The following EPB41L2 variants were observed in gnomAD, a reference collection of about 807,000 sequenced individuals.
The protein encoded by EPB41L2 is band 4.1-like protein 2.
In EPB41L2, 43 loss-of-function variants were observed where a neutral mutation model predicts 113.0. The observed-to-expected ratio is 0.38, with a 90% CI of 0.30 to 0.49. EPB41L2 has a LOEUF of 0.49. Among genes scored for constraint, EPB41L2 ranks in the 20% least tolerant of loss-of-function variants. EPB41L2 has a pLI of 0.95. For missense variants in EPB41L2, 1,147 were observed against 1,223.4 expected (o/e 0.94, Z 0.93); for synonymous variants, 442 against 436.7 (o/e 1.01, Z -0.15).
intron 1 of EPB41L2, among the ~76,000 whole-genome samples, chr6:131,055,825 C>T (rs1187319988): frequency 6.6e-6 from 1 of 151,946 alleles, no homozygotes; most frequent in African/African-American, 2.4e-5. Context: ...GGTGTGTAGT[C>T]TGTGCTGCAA....
intron 1 of EPB41L2, among the ~76,000 whole-genome samples, chr6:130,983,178 C>G (rs1258109878): frequency 9.2e-5 from 14 of 152,166 alleles, no homozygotes; most frequent in Middle Eastern, 3.2e-3. Context: ...ATAAGAGAAA[C>G]CAGGAACCGC....
chr6:130,890,473 GA>G lies in EPB41L2; in HGVS notation c.1488-8del. 1.3e-6 allele frequency: 2 copies of G among 1,509,254 alleles called. No individual in the cohort carries two copies. The allele number at this position is 1,509,254 out of a possible 1,614,324, so 93.5% of individuals were successfully genotyped here. A position where few individuals can be genotyped will look rare whatever the true frequency, so the allele number is the denominator to read the frequency against. Reference sequence around the variant, plus strand: ...CTGCTCTGGAGAAACAAGCCTATGGGAGGAAAAAAAAAAAAAAAGAGAGAGA... The same window carrying G: ...CTGCTCTGGAGAAACAAGCCTATGGGGGAAAAAAAAAAAAAAAGAGAGAGA... On this transcript the variant is annotated splice_region_variant and splice_polypyrimidine_tract_variant and intron_variant, in intron 10 of 19. Transcript: ENST00000337057.
intron 1 of EPB41L2, among the ~76,000 whole-genome samples, chr6:130,977,638 C>A (rs950291417): frequency 6.6e-6 from 1 of 152,132 alleles, no homozygotes; most frequent in African/African-American, 2.4e-5. Context: ...TCCCTCCTCC[C>A]CCAAAATTCT....
At chr6:131,014,839 A>C (rs1787825243) in intron 1 of EPB41L2, among the ~76,000 whole-genome samples, 1 of 152,208 alleles carries the variant, frequency 6.6e-6, no homozygotes, top group African/African-American at 2.4e-5. Flanking sequence ...CAAATTCAGA[A>C]CTTCTTTTCT....
intron 1 of EPB41L2, among the ~76,000 whole-genome samples, chr6:130,965,771 C>T (rs1774977963): frequency 6.6e-6 from 1 of 151,978 alleles, no homozygotes; most frequent in South Asian, 2.1e-4. Context: ...AAAGTTTAAT[C>T]ATGCACTCAT....
At position 130,840,789 on chromosome 6, in the gene EPB41L2, A is replaced by G. The variant is rs772035070; in HGVS notation, c.*6-191T>C. On this transcript the variant is annotated intron_variant, in intron 19 of 19. Transcript: ENST00000337057. ...ACACTATTCCACTCTCGAGGGCCTT[A>G]AAATACCTGGAGAATTGACAAGTAC... 7.7e-4 allele frequency among the ~76,000 whole-genome samples: 117 copies of G among 152,318 alleles called. 3 individuals carry two copies. Among genetic ancestry groups the G allele is most frequent in the Non-Finnish European group, 4.9e-4 (33 of 68,022 alleles).
intron 1 of EPB41L2, among the ~76,000 whole-genome samples, chr6:130,996,620 G>A (rs1246222108): frequency 6.6e-6 from 1 of 152,154 alleles, no homozygotes; most frequent in African/African-American, 2.4e-5. Context: ...ATGCCCTATA[G>A]ATTAACACTT....
At chr6:130,968,014 A>G (rs188099494) in intron 1 of EPB41L2, among the ~76,000 whole-genome samples, 5 of 152,232 alleles carry the variant, frequency 3.3e-5, no homozygotes, top group Admixed American at 1.3e-4. Flanking sequence ...CAGCGAGTCT[A>G]TTTTTCCTAA....
At chr6:130,952,610 C>A (rs147718725) in intron 3 of EPB41L2, among the ~76,000 whole-genome samples, 4 of 152,052 alleles carry the variant, frequency 2.6e-5, no homozygotes, top group Non-Finnish European at 5.9e-5. Context: ...GTCAGGTGAT[C>A]GAGACCATCC....
chr6:130,839,460 C>G lies in EPB41L2; in HGVS notation c.*1144G>C, dbSNP rs1202673999. 2 of 152,038 alleles carry G rather than the reference C, an allele frequency of 1.3e-5. No individual in the cohort carries two copies. Among genetic ancestry groups the G allele is most frequent in the Admixed American group, 1.3e-4 (2 of 15,252 alleles). 9.4% of individuals were successfully genotyped at this position (152,038 alleles called of 1,614,324 possible). ...CTGGCATCGTAACTATACATAGGGT[C>G]AAAGGCAAAGGAAAAAATGTTCAAT... On this transcript the variant is annotated 3_prime_UTR_variant, in exon 20 of 20. Coordinates refer to ENST00000337057, the MANE Select transcript of EPB41L2 (RefSeq NM_001431.4).
chr6:130,991,798 C>T (rs575089325), intron 1 of EPB41L2, among the ~76,000 whole-genome samples: 7 of 152,184 alleles, frequency 4.6e-5, no homozygotes, highest in East Asian at 1.9e-4. Context: ...TGCTTTATTC[C>T]TCTTCAGAAG....
intron 1 of EPB41L2, among the ~76,000 whole-genome samples, chr6:130,990,247 G>T (rs1781505789): frequency 6.6e-6 from 1 of 152,012 alleles, no homozygotes; most frequent in East Asian, 1.9e-4. Flanking sequence ...CTGGAACCTG[G>T]GAGGCAGAGG....
At position 130,840,439 on chromosome 6, in the gene EPB41L2, A is replaced by G. The variant is rs2128387964; in HGVS notation, c.*165T>C. The G allele has an allele frequency of 6.6e-6, 1 of 152,302 alleles. No individual in the cohort carries two copies. The highest frequency in any genetic ancestry group is 1.9e-4 in the East Asian group (1 of 5,190). 9.4% of individuals were successfully genotyped at this position (152,302 alleles called of 1,614,324 possible). ...GGAGCAATATAGACCAGAGCTGGTAAGGAAAGGTTTGGTGTTGGCATTTTA... is the reference window on the plus strand; with the variant it reads ...GGAGCAATATAGACCAGAGCTGGTAGGGAAAGGTTTGGTGTTGGCATTTTA... On this transcript the variant is annotated 3_prime_UTR_variant, in exon 20 of 20. Coordinates refer to ENST00000337057, the MANE Select transcript of EPB41L2 (RefSeq NM_001431.4).
At chr6:130,889,744 A>G (rs1288203442) in intron 11 of EPB41L2, among the ~76,000 whole-genome samples, 1 of 152,236 alleles carries the variant, frequency 6.6e-6, no homozygotes, top group Non-Finnish European at 1.5e-5. Flanking sequence ...AAAACACATC[A>G]TGATCAAGAG....
intron 3 of EPB41L2, among the ~76,000 whole-genome samples, chr6:130,951,603 C>T (rs1377006096): frequency 6.6e-6 from 1 of 151,854 alleles, no homozygotes; most frequent in African/African-American, 2.4e-5. Flanking sequence ...GGATTACAGG[C>T]ATGACCCACT....
intron 1 of EPB41L2, among the ~76,000 whole-genome samples, chr6:130,974,861 G>A (rs911602916): frequency 5.3e-5 from 8 of 151,306 alleles, no homozygotes; most frequent in Non-Finnish European, 8.8e-5. Flanking sequence ...GAGTTCAAGC[G>A]ATTCTCCTGC....
chr6:131,055,054 A>G (rs540429857), intron 1 of EPB41L2, among the ~76,000 whole-genome samples: 2 of 152,360 alleles, frequency 1.3e-5, no homozygotes, highest in African/African-American at 4.8e-5. Context: ...CTGCTTACTC[A>G]TATAACCTCC....
intron 10 of EPB41L2, 38 bp from the exon 11 acceptor site, chr6:130,890,504 G>A: frequency 1.9e-6 from 3 of 1,561,392 alleles, no homozygotes; most frequent in South Asian, 2.4e-5. Flanking sequence ...GAGAGAGAAA[G>A]GGGAAGCAAA....
intron 1 of EPB41L2, among the ~76,000 whole-genome samples, chr6:130,957,390 C>T (rs980153471): frequency 3.3e-5 from 5 of 152,176 alleles, no homozygotes; most frequent in South Asian, 2.1e-4. Context: ...GAACAACAGG[C>T]GGGGCCTGCG....
Sources: gnomAD v4.1 joint callset for allele counts (sites outside exome capture counted in the v4.1 genomes callset) on GRCh38, gnomAD v4.1.1 for gene constraint, MANE v1.5 for transcripts, NCBI Gene and HGNC (gene_info 2026-07-23, HGNC 2026-07-21) for gene names.